LRRC53: variants seen among roughly 807,000 people sequenced by gnomAD.
LRRC53 encodes the protein leucine rich repeat containing 53, also known as leucine-rich repeat-containing protein 53.
A neutral mutation model predicts 13.6 loss-of-function variants in LRRC53; 25 were observed. That is an observed-to-expected ratio of 1.83 (90% CI 1.34 to 2.56). The LOEUF (loss-of-function observed/expected upper bound fraction) is 2.56. LRRC53 is among the 30% of genes most tolerant of loss of function. The probability of loss-of-function intolerance (pLI) is 0.00; values close to 1 mark genes in which losing one functional copy is unlikely to be tolerated. For synonymous variants in LRRC53, 204 were observed against 109.8 expected (o/e 1.86, Z -5.37); for missense variants, 527 against 275.8 (o/e 1.91, Z -6.45).
At chr1:74,510,302 C>T (rs1172229716) in intron 1 of LRRC53, among the ~76,000 whole-genome samples, 1 of 151,964 alleles carries the variant, frequency 6.6e-6, no homozygotes, top group Non-Finnish European at 1.5e-5. Flanking sequence ...GTCAGGAGAT[C>T]GAGACCATCC....
chr1:74,472,984 CTGTT>C (rs934083825), intron 4 of LRRC53, among the ~76,000 whole-genome samples: 1 of 152,054 alleles, frequency 6.6e-6, no homozygotes, highest in Non-Finnish European at 1.5e-5. Context: ...CTTCCTTTGA[CTGTT>C]TGGGGACAGA....
At chr1:74,495,460 T>A (rs1482080691) in intron 1 of LRRC53, among the ~76,000 whole-genome samples, 1 of 152,136 alleles carries the variant, frequency 6.6e-6, no homozygotes. Context: ...ATTGGATAAA[T>A]TGGCTCAATA....
chr1:74,482,154 A>G (rs1215903574), intron 2 of LRRC53, among the ~76,000 whole-genome samples: 2 of 152,090 alleles, frequency 1.3e-5, no homozygotes, highest in East Asian at 1.9e-4. Context: ...GTTTGTTTTC[A>G]TGGGTCCCCA....
At chr1:74,479,788 AAT>A (rs1668388336) in intron 3 of LRRC53, among the ~76,000 whole-genome samples, 3 of 152,240 alleles carry the variant, frequency 2.0e-5, no homozygotes, top group Admixed American at 6.5e-5. Context: ...TGTCATAACA[AAT>A]GCACTAGTAC....
At chr1:74,530,546 C>G in the LRRC53 span, among the ~76,000 whole-genome samples, 1 of 152,112 alleles carries the variant, frequency 6.6e-6, no homozygotes, top group Admixed American at 6.5e-5. Context: ...TCAAATAGAA[C>G]TAGAAGATCA....
At chr1:74,523,937 C>T in the LRRC53 span, among the ~76,000 whole-genome samples, 6 of 152,116 alleles carry the variant, frequency 3.9e-5, no homozygotes, top group East Asian at 1.9e-4. Flanking sequence ...CCCCCACCCC[C>T]GACAGGCCCC....
chr1:74,516,957 A>T (rs1386864669), upstream of LRRC53, among the ~76,000 whole-genome samples: 2 of 152,194 alleles, frequency 1.3e-5, no homozygotes, highest in African/African-American at 4.8e-5. Flanking sequence ...GAAGTCTAAA[A>T]GAAATATTTA....
chr1:74,502,488 C>T (rs149887357), intron 1 of LRRC53, among the ~76,000 whole-genome samples: 47 of 152,264 alleles, frequency 3.1e-4, no homozygotes, highest in South Asian at 6.2e-4. Flanking sequence ...TGGGCCTGTC[C>T]GGTAGTGTTT....
At chr1:74,527,046 C>G in the LRRC53 span, among the ~76,000 whole-genome samples, 1 of 152,200 alleles carries the variant, frequency 6.6e-6, no homozygotes, top group South Asian at 2.1e-4. Context: ...CCTGCCTGCT[C>G]TAAAAGCATA....
chr1:74,499,272 G>T (rs1001361166), intron 1 of LRRC53, among the ~76,000 whole-genome samples: 2 of 152,156 alleles, frequency 1.3e-5, no homozygotes, highest in Non-Finnish European at 2.9e-5. Flanking sequence ...CTCCTGAGTA[G>T]CTGGGACTAC....
intron 1 of LRRC53, among the ~76,000 whole-genome samples, chr1:74,498,926 A>G (rs1261273141): frequency 6.6e-6 from 1 of 152,232 alleles, no homozygotes; most frequent in Non-Finnish European, 1.5e-5. Context: ...TCATGTGCAG[A>G]GCATTAATAT....
intron 1 of LRRC53, among the ~76,000 whole-genome samples, chr1:74,490,438 T>C (rs1457269163): frequency 6.6e-6 from 1 of 152,168 alleles, no homozygotes; most frequent in Non-Finnish European, 1.5e-5. Context: ...GATAGATATA[T>C]CTGGAGGTGG....
At chr1:74,493,831 G>T (rs1466106845) in intron 1 of LRRC53, among the ~76,000 whole-genome samples, 1 of 152,174 alleles carries the variant, frequency 6.6e-6, no homozygotes, top group Admixed American at 6.5e-5. Flanking sequence ...TGCTCAAGTT[G>T]TATCCTCTGA....
chr1:74,527,260 C>A, the LRRC53 span, among the ~76,000 whole-genome samples: 1 of 152,096 alleles, frequency 6.6e-6, no homozygotes, highest in Admixed American at 6.5e-5. Flanking sequence ...AGGAGGTTCA[C>A]CAATGACCAC....
Position 74,471,992 on chromosome 1 carries a change from C to T in LRRC53, c.1630G>A (p.Val544Ile), listed in dbSNP as rs545759786. Residue 544 changes from valine (V) to isoleucine (I), a missense_variant, in exon 5 of 5, where the codon GTA becomes ATA. Val to Ile is a conservative substitution (Grantham distance 29, BLOSUM62 3). Transcript: ENST00000294635. ...EPEEHYVQKIVQKNRSKYDDP... is the reference protein window; with the variant it reads ...EPEEHYVQKIIQKNRSKYDDP... ...TCATATTTTGATCTATTTTTTTGTACGATCTTTTGTACATAGTGTTCCTCA... is the reference window on the plus strand; with the variant it reads ...TCATATTTTGATCTATTTTTTTGTATGATCTTTTGTACATAGTGTTCCTCA... 14 of 635,258 alleles carry T rather than the reference C, an allele frequency of 2.2e-5. No homozygotes were observed. The highest frequency in any genetic ancestry group is 7.5e-5 in the South Asian group (4 of 53,230). 39.4% of individuals were successfully genotyped at this position (635,258 alleles called of 1,614,324 possible). A position where few individuals can be genotyped will look rare whatever the true frequency, so the allele number is the denominator to read the frequency against.
chr1:74,513,031 G>A (rs1646285230), upstream of LRRC53, among the ~76,000 whole-genome samples: 1 of 152,132 alleles, frequency 6.6e-6, no homozygotes, highest in Non-Finnish European at 1.5e-5. Context: ...AAATAGTCTT[G>A]ACTCTTTAAA....
At chr1:74,479,787 A>T (rs1389124496) in intron 3 of LRRC53, among the ~76,000 whole-genome samples, 3 of 152,258 alleles carry the variant, frequency 2.0e-5, no homozygotes, top group Admixed American at 6.5e-5. Context: ...GTGTCATAAC[A>T]AATGCACTAG....
intron 1 of LRRC53, among the ~76,000 whole-genome samples, chr1:74,498,295 T>A (rs1037951988): frequency 7.9e-5 from 12 of 152,182 alleles, no homozygotes; most frequent in African/African-American, 2.9e-4. Context: ...TCAGTAATTA[T>A]CTCAATCAGC....
the LRRC53 span, among the ~76,000 whole-genome samples, chr1:74,521,274 T>A: frequency 1.3e-5 from 2 of 152,148 alleles, no homozygotes; most frequent in African/African-American, 4.8e-5. Context: ...CTCATTAACT[T>A]CTTTCTAGTT....
Sources: gnomAD v4.1 joint callset for allele counts (sites outside exome capture counted in the v4.1 genomes callset) on GRCh38, gnomAD v4.1.1 for gene constraint, MANE v1.5 for transcripts, NCBI Gene and HGNC (gene_info 2026-07-23, HGNC 2026-07-21) for gene names.